Variants in CSMD1 observed in about 807,000 individuals in gnomAD.
The protein encoded by CSMD1 is CUB and sushi domain-containing protein 1.
CSMD1 carries 213 observed loss-of-function variants against 417.5 expected under a neutral mutation model. The ratio of observed to expected loss-of-function variants is 0.51; its 90% CI spans 0.46 to 0.57. The LOEUF is 0.57. Among genes scored for constraint, CSMD1 ranks in the 20% least tolerant of loss-of-function variants. CSMD1 has a pLI of 0.00. For synonymous variants in CSMD1, 2,862 were observed against 1,736.8 expected, an observed-to-expected ratio of 1.65 and a Z score of -16.11; for missense variants, 6,923 against 4,529.7, an observed-to-expected ratio of 1.53 and a Z score of -15.17.
chr8:4,141,994 T>C (rs1335841208), intron 3 of CSMD1, among the ~76,000 whole-genome samples: 1 of 151,038 alleles, frequency 6.6e-6, no homozygotes, highest in African/African-American at 2.5e-5. Flanking sequence ...TTCTCTCAAC[T>C]TATATATTCA....
At chr8:4,742,255 C>G (rs7003358) in intron 1 of CSMD1, among the ~76,000 whole-genome samples, 26,534 of 150,600 alleles carry the variant, frequency 0.18, 3,081 homozygotes, top group African/African-American at 0.35. Flanking sequence ...TGGTCTCGAT[C>G]TCCTGACCTC....
chr8:4,282,430 A>G (rs1394276510), intron 3 of CSMD1, among the ~76,000 whole-genome samples: 1 of 152,192 alleles, frequency 6.6e-6, no homozygotes, highest in East Asian at 1.9e-4. Context: ...CTCTTCTCCA[A>G]GCAAGGTCCT....
chr8:4,371,511 A>C (rs1171411990), intron 3 of CSMD1, among the ~76,000 whole-genome samples: 2 of 152,222 alleles, frequency 1.3e-5, no homozygotes, highest in African/African-American at 2.4e-5. Context: ...GATATGGGAT[A>C]TTCCCTTATG....
chr8:4,971,370 A>G (rs1179394126), intron 1 of CSMD1, among the ~76,000 whole-genome samples: 2 of 152,100 alleles, frequency 1.3e-5, no homozygotes, highest in Admixed American at 1.3e-4. Context: ...GTAAAATAGA[A>G]AATACTTATA....
chr8:3,404,885 G>T (rs1408568223), intron 15 of CSMD1, among the ~76,000 whole-genome samples: 1 of 152,072 alleles, frequency 6.6e-6, no homozygotes, highest in Admixed American at 6.6e-5. Flanking sequence ...GTCCTCTGCT[G>T]TTTGAAGCTG....
intron 2 of CSMD1, among the ~76,000 whole-genome samples, chr8:4,428,445 G>T (rs1291498519): frequency 6.6e-6 from 1 of 152,094 alleles, no homozygotes; most frequent in Non-Finnish European, 1.5e-5. Flanking sequence ...ATATGGAAAT[G>T]GTTTTTCACA....
intron 11 of CSMD1, among the ~76,000 whole-genome samples, chr8:3,488,546 G>C (rs1218196597): frequency 6.6e-6 from 1 of 152,118 alleles, no homozygotes; most frequent in Non-Finnish European, 1.5e-5. Context: ...TAATAATGTA[G>C]ATTCATACTG....
At chr8:3,248,405 A>C (rs1436273009) in intron 26 of CSMD1, among the ~76,000 whole-genome samples, 1 of 152,140 alleles carries the variant, frequency 6.6e-6, no homozygotes, top group Admixed American at 6.5e-5. Context: ...GAAGTCCTTT[A>C]AAACTGGAGT....
At chr8:4,553,593 T>C (rs947939722) in intron 2 of CSMD1, among the ~76,000 whole-genome samples, 2 of 152,190 alleles carry the variant, frequency 1.3e-5, no homozygotes, top group Non-Finnish European at 2.9e-5. Flanking sequence ...TAGATTATTT[T>C]TGATCTAGCA....
intron 6 of CSMD1, among the ~76,000 whole-genome samples, chr8:3,727,387 C>T (rs1326757335): frequency 1.3e-5 from 2 of 152,170 alleles, no homozygotes; most frequent in African/African-American, 4.8e-5. Flanking sequence ...CAGCCCCGCC[C>T]AGGTACCAAG....
At chr8:3,114,750 C>A (rs4875770) in intron 42 of CSMD1, among the ~76,000 whole-genome samples, 1 of 152,050 alleles carries the variant, frequency 6.6e-6, no homozygotes, top group Non-Finnish European at 1.5e-5. Context: ...AGATTATTTT[C>A]TGTATTTACC....
intron 3 of CSMD1, among the ~76,000 whole-genome samples, chr8:4,175,509 A>C (rs1189607182): frequency 6.6e-6 from 1 of 152,188 alleles, no homozygotes. Flanking sequence ...TTACACAAAG[A>C]CAACTGATAG....
chr8:3,527,801 G>A (rs779121658), intron 10 of CSMD1, among the ~76,000 whole-genome samples: 15 of 152,150 alleles, frequency 9.9e-5, no homozygotes, highest in Non-Finnish European at 2.1e-4. Context: ...TCAAAATAAA[G>A]TTACAAAACA....
chr8:3,855,063 G>A (rs10100809), intron 5 of CSMD1, among the ~76,000 whole-genome samples: 62,943 of 151,872 alleles, frequency 0.41, 14,885 homozygotes, highest in African/African-American at 0.65. Flanking sequence ...AGAGAAATGA[G>A]AATACCCCAA....
intron 23 of CSMD1, among the ~76,000 whole-genome samples, chr8:3,316,731 C>A (rs1805793338): frequency 1.3e-5 from 2 of 152,032 alleles, no homozygotes; most frequent in South Asian, 4.2e-4. Flanking sequence ...CAGGAAAGGT[C>A]ACGGGAAAGA....
intron 5 of CSMD1, among the ~76,000 whole-genome samples, chr8:3,802,985 T>A (rs928980989): frequency 6.6e-6 from 1 of 152,138 alleles, no homozygotes; most frequent in East Asian, 1.9e-4. Flanking sequence ...TGTTGTAGGG[T>A]GAAATATTTA....
intron 6 of CSMD1, among the ~76,000 whole-genome samples, chr8:3,737,631 T>A (rs1185157784): frequency 6.6e-6 from 1 of 152,186 alleles, no homozygotes; most frequent in Non-Finnish European, 1.5e-5. Flanking sequence ...AAGCTTTTTT[T>A]AAGCTACCTT....
At chr8:3,809,749 G>T (rs747560047) in intron 5 of CSMD1, among the ~76,000 whole-genome samples, 11 of 152,108 alleles carry the variant, frequency 7.2e-5, no homozygotes, top group Non-Finnish European at 1.5e-5. Context: ...CCTAAGAGGG[G>T]AGTTGAGACA....
intron 3 of CSMD1, among the ~76,000 whole-genome samples, chr8:4,225,093 C>T (rs962354477): frequency 2.0e-5 from 3 of 152,160 alleles, no homozygotes; most frequent in African/African-American, 4.8e-5. Context: ...GCCTGGGGAA[C>T]AGAGTGAGAC....
Sources: gnomAD v4.1 joint callset for allele counts (sites outside exome capture counted in the v4.1 genomes callset) on GRCh38, gnomAD v4.1.1 for gene constraint, MANE v1.5 for transcripts, NCBI Gene and HGNC (gene_info 2026-07-23, HGNC 2026-07-21) for gene names.